The following HERC2 variants were observed in gnomAD, a reference collection of about 807,000 sequenced individuals.
The protein encoded by HERC2 is E3 ubiquitin-protein ligase HERC2.
In HERC2, 102 loss-of-function variants were observed where a neutral mutation model predicts 537.7. The observed-to-expected ratio is 0.19, with a 90% CI of 0.16 to 0.22. HERC2 has a LOEUF of 0.22. HERC2 is among the 10% of genes least tolerant of loss of function. HERC2 has a pLI of 1.00. For missense variants in HERC2, 4,236 were observed against 6,198.2 expected (o/e 0.68, Z 10.63); for synonymous variants, 2,224 against 2,466.2 (o/e 0.90, Z 2.91).
At chr15:28,164,758 A>T (rs192776913) in intron 68 of HERC2, among the ~76,000 whole-genome samples, 1 of 152,222 alleles carries the variant, frequency 6.6e-6, no homozygotes, top group South Asian at 2.1e-4. Flanking sequence ...ATGTCTCATA[A>T]ATAAATTGGG....
At chr15:28,142,452 G>C (rs1891322344) in intron 75 of HERC2, 59 bp from the exon 76 acceptor site, 2 of 1,541,460 alleles carry the variant, frequency 1.3e-6, no homozygotes, top group Non-Finnish European at 1.8e-6. Context: ...AACAGGCCAA[G>C]GTTTCTGTGG....
chr15:28,275,616 C>T (rs1224518840), intron 5 of HERC2, among the ~76,000 whole-genome samples: 1 of 152,090 alleles, frequency 6.6e-6, no homozygotes, highest in African/African-American at 2.4e-5. Context: ...GCATATGGTA[C>T]ACCATAAAAA....
intron 50 of HERC2, among the ~76,000 whole-genome samples, chr15:28,197,277 T>C (rs1323048783): frequency 6.6e-6 from 1 of 152,300 alleles, no homozygotes; most frequent in East Asian, 1.9e-4. Context: ...TATAAAACTA[T>C]ACACATACTT....
Position 28,256,810 on chromosome 15 carries a change from G to T in HERC2, c.2517+251C>A, listed in dbSNP as rs537202002. Among the ~76,000 whole-genome samples, 4 of 152,286 alleles carry T rather than the reference G, an allele frequency of 2.6e-5. 1 individual carries two copies. In the South Asian group the frequency reaches 8.3e-4, roughly 32 times the overall value. On this transcript the variant is annotated intron_variant, in intron 17 of 92. Coordinates refer to ENST00000261609, the MANE Select transcript of HERC2 (RefSeq NM_004667.6). Reference sequence around the variant, plus strand: ...GGGGTTTCACCATGTTAGCCGGGATGGTCTCGATCTCCTGACCTCGTGATC... The same window carrying T: ...GGGGTTTCACCATGTTAGCCGGGATTGTCTCGATCTCCTGACCTCGTGATC...
At chr15:28,238,448 T>A (rs889373315) in intron 24 of HERC2, among the ~76,000 whole-genome samples, 154 bp downstream of exon 24, 2 of 152,188 alleles carry the variant, frequency 1.3e-5, no homozygotes, top group African/African-American at 4.8e-5. Context: ...TCAAATGTGC[T>A]GAATTTGTTG....
At position 28,213,929 on chromosome 15, in the gene HERC2, A is replaced by C; in HGVS notation, c.6599T>G (p.Val2200Gly). 1 of 1,612,246 alleles carries C rather than the reference A, an allele frequency of 6.2e-7. No individual in the cohort carries two copies. ...AGCCAGGACTGCCATGAGGCCCCCC[A>C]CTTCAGGGTTCTCGGAGTCGGGGAA... ...DYFPDSENPE[V>G]GGLMAVLAVI... Residue 2200 changes from valine to glycine, a missense_variant, in exon 42 of 93, where the codon GTG (valine) becomes GGG (glycine). Physicochemically the swap from Val to Gly is moderately radical, Grantham distance 109. Transcript: ENST00000261609.
intron 76 of HERC2, 21 bp from the exon 77 acceptor site, chr15:28,141,867 G>A: frequency 6.4e-7 from 1 of 1,550,444 alleles, no homozygotes; most frequent in South Asian, 1.1e-5. Flanking sequence ...TTATTATGAT[G>A]TTACAAATCA....
intron 45 of HERC2, among the ~76,000 whole-genome samples, chr15:28,205,157 ACTCTCCAT>A (rs1898293740): frequency 6.6e-6 from 1 of 151,816 alleles, no homozygotes; most frequent in Non-Finnish European, 1.5e-5. Flanking sequence ...GAGAACAACA[ACTCTCCAT>A]CAGAATCCAT....
intron 71 of HERC2, 92 bp downstream of exon 71, chr15:28,146,145 C>T (rs189685533): frequency 2.2e-5 from 19 of 858,870 alleles, no homozygotes; most frequent in East Asian, 1.0e-4. Flanking sequence ...CATGAGAATA[C>T]GAAGGCAGCA....
chr15:28,272,880 G>A lies in HERC2; in HGVS notation c.911+14C>T. Reference sequence around the variant, plus strand: ...GCGCTTCCCCAAAGCGTTCCCGTCTGCGGCAGCCCTCACCTCAGCGTGCCT... The same window carrying A: ...GCGCTTCCCCAAAGCGTTCCCGTCTACGGCAGCCCTCACCTCAGCGTGCCT... On this transcript the variant is annotated intron_variant, in intron 8 of 92. Transcript: ENST00000261609. 1 of 1,582,598 alleles carries A rather than the reference G, an allele frequency of 6.3e-7. No homozygotes were observed. Among genetic ancestry groups the A allele is most frequent in the Non-Finnish European group, 8.6e-7 (1 of 1,157,490 alleles).
In HERC2 at chr15:28,307,548, T is replaced by C. The variant is rs182697208; in HGVS notation, c.73-8032A>G. Among the ~76,000 whole-genome samples, 4 of 152,326 alleles carry C rather than the reference T, an allele frequency of 2.6e-5. No homozygotes were observed. In the East Asian group the frequency reaches 5.8e-4, roughly 22 times the overall value. On this transcript the variant is annotated intron_variant, in intron 2 of 92. Coordinates refer to ENST00000261609, the MANE Select transcript of HERC2 (RefSeq NM_004667.6). ...ACAGATTTCGTATGCTGTGTTGCCA[T>C]TGCCATTTGTTTCAAGAAACTGTTT...
chr15:28,248,627 A>C lies in HERC2; in HGVS notation c.3160T>G (p.Leu1054Val), dbSNP rs747759311. Residue 1054 changes from leucine (L) to valine (V), a missense_variant, in exon 21 of 93, where the codon TTA becomes GTA. Physicochemically the swap from Leu to Val is conservative, Grantham distance 32. Transcript: ENST00000261609. ...ATAAGCAAACGTTGAAAACGCAGTA[A>C]CAAATCCAATGAAGCAGATCTTTCA... ...SRERSASLDL[L>V]LRFQRLLISK... 1.2e-6 allele frequency: 2 copies of C among 1,613,958 alleles called. No individual in the cohort carries two copies. The highest frequency in any genetic ancestry group is 2.7e-5 in the African/African-American group (2 of 74,942).
chr15:28,299,358 T>A, intron 3 of HERC2, 44 bp downstream of exon 3: 1 of 770,848 alleles, frequency 1.3e-6, no homozygotes, highest in Non-Finnish European at 2.2e-6. Context: ...ATGCATTTTA[T>A]AATGGTCTTT....
At chr15:28,143,604 G>A (rs1396258486) in intron 74 of HERC2, among the ~76,000 whole-genome samples, 2 of 151,804 alleles carry the variant, frequency 1.3e-5, no homozygotes, top group Non-Finnish European at 2.9e-5. Flanking sequence ...CCACCACCAC[G>A]CCCATCTAAT....
At chr15:28,119,592 T>C (rs1415158609) in intron 86 of HERC2, among the ~76,000 whole-genome samples, 1 of 151,898 alleles carries the variant, frequency 6.6e-6, no homozygotes, top group African/African-American at 2.4e-5. Context: ...TAGCTGGGAC[T>C]ACAGGCACCC....
Position 28,265,528 on chromosome 15 carries a change from T to C in HERC2, c.1870+90A>G. ...CTGGGCGACAGGGTGGGTGGCCTCG[T>C]GAGGCCCACTGTACTCATCTCACTT... On this transcript the variant is annotated intron_variant, in intron 14 of 92. Coordinates refer to ENST00000261609, the MANE Select transcript of HERC2 (RefSeq NM_004667.6). This position sits in a 1 kb window ranked among gnomAD's most constrained non-coding sequence, Gnocchi z 4.0. The C allele has an allele frequency of 9.3e-7, 1 of 1,077,890 alleles. No individual in the cohort carries two copies. Among genetic ancestry groups the C allele is most frequent in the Non-Finnish European group, 1.4e-6 (1 of 712,280 alleles). 66.8% of individuals were successfully genotyped at this position (1,077,890 alleles called of 1,614,324 possible).
At chr15:28,143,596 A>G (rs1322359894) in intron 74 of HERC2, among the ~76,000 whole-genome samples, 1 of 151,840 alleles carries the variant, frequency 6.6e-6, no homozygotes, top group African/African-American at 2.4e-5. Flanking sequence ...ACAGGTGCCC[A>G]CCACCACGCC....
At chr15:28,150,531 G>T (rs553559612) in intron 70 of HERC2, among the ~76,000 whole-genome samples, 65 of 135,450 alleles carry the variant, frequency 4.8e-4, no homozygotes, top group Non-Finnish European at 8.3e-4. Context: ...CCACATGAAC[G>T]TATACTCTAG....
chr15:28,133,402 G>C (rs1441390178), intron 79 of HERC2, among the ~76,000 whole-genome samples: 1 of 152,086 alleles, frequency 6.6e-6, no homozygotes, highest in Admixed American at 6.5e-5. Flanking sequence ...CCCAGCTTGT[G>C]GTTTCAATCT....
Sources: gnomAD v4.1 joint callset for allele counts (sites outside exome capture counted in the v4.1 genomes callset) on GRCh38, gnomAD v4.1.1 for gene constraint, Gnocchi (gnomAD v3.1) non-coding constraint, MANE v1.5 for transcripts, NCBI Gene and HGNC (gene_info 2026-07-23, HGNC 2026-07-21) for gene names.